Variants in OPCML observed in about 807,000 individuals in gnomAD.
The protein encoded by OPCML is opioid binding protein/cell adhesion molecule like, also known as opioid-binding protein/cell adhesion molecule.
Under a neutral mutation model 37.8 loss-of-function variants are expected in OPCML, and 13 were observed. The ratio of observed to expected loss-of-function variants is 0.34; its 90% CI spans 0.22 to 0.55. The LOEUF is 0.55. Among genes scored for constraint, OPCML ranks in the 20% least tolerant of loss-of-function variants. OPCML has a pLI of 0.91. For missense variants in OPCML, 341 were observed against 435.6 expected, an observed-to-expected ratio of 0.78 and a Z score of 1.93; for synonymous variants, 176 against 168.8, an observed-to-expected ratio of 1.04 and a Z score of -0.33.
At chr11:133,060,178 C>T (rs1036676937) in intron 1 of OPCML, among the ~76,000 whole-genome samples, 11 of 151,206 alleles carry the variant, frequency 7.3e-5, no homozygotes, top group African/African-American at 2.7e-4. Context: ...CTCCCTCTCC[C>T]TCTCCCTCTC....
At chr11:132,462,285 A>G (rs1043159951) in intron 4 of OPCML, among the ~76,000 whole-genome samples, 1 of 152,126 alleles carries the variant, frequency 6.6e-6, no homozygotes, top group African/African-American at 2.4e-5. Flanking sequence ...TTGACTGTGT[A>G]AGAGAAGAAA....
chr11:133,231,098 C>G (rs1415484339), intron 1 of OPCML, among the ~76,000 whole-genome samples: 1 of 152,196 alleles, frequency 6.6e-6, no homozygotes, highest in Non-Finnish European at 1.5e-5. Flanking sequence ...GAATGAGAAG[C>G]AATGCAAGGT....
intron 1 of OPCML, chr11:133,421,385 A>T (rs1275011718): frequency 1.0e-6 from 1 of 985,310 alleles, no homozygotes; most frequent in Non-Finnish European, 1.2e-6. Flanking sequence ...TCACTCGGAG[A>T]CCAGAAGAAG....
At chr11:133,319,487 T>C (rs899436521) in intron 1 of OPCML, among the ~76,000 whole-genome samples, 2 of 152,186 alleles carry the variant, frequency 1.3e-5, no homozygotes, top group Non-Finnish European at 2.9e-5. Context: ...TTGCGCTTAG[T>C]GGCAACGCTT....
chr11:133,483,568 G>T (rs577829468), intron 1 of OPCML, among the ~76,000 whole-genome samples: 1 of 151,594 alleles, frequency 6.6e-6, no homozygotes, highest in Non-Finnish European at 1.5e-5. Context: ...CTAGACAAAG[G>T]AATGGATGAT....
intron 4 of OPCML, among the ~76,000 whole-genome samples, chr11:132,476,002 A>G (rs1287596621): frequency 1.3e-5 from 2 of 152,216 alleles, no homozygotes; most frequent in Non-Finnish European, 2.9e-5. Context: ...TGCTAAGAGT[A>G]TCTACCTCAA....
At chr11:133,207,617 A>G (rs1044222626) in intron 1 of OPCML, among the ~76,000 whole-genome samples, 1 of 152,172 alleles carries the variant, frequency 6.6e-6, no homozygotes, top group African/African-American at 2.4e-5. Flanking sequence ...ATGACTTCTG[A>G]GATTCCTCAA....
rs1308843741 is a variant in OPCML, at chr11:132,706,613, T to C, written c.147-49294A>G. Among the ~76,000 whole-genome samples the C allele has an allele frequency of 5.3e-5, 8 of 152,138 alleles. No individual in the cohort carries two copies. In the South Asian group the frequency reaches 1.2e-3, roughly 24 times the overall value. On this transcript the variant is annotated intron_variant, in intron 2 of 7. Transcript: ENST00000524381. ...CCCACTTAGATGAGTTTACCCAATG[T>C]AGTAAAATTCCATTATGCGAGCCTC...
intron 2 of OPCML, among the ~76,000 whole-genome samples, chr11:132,923,184 T>G (rs1057164910): frequency 6.6e-6 from 1 of 152,200 alleles, no homozygotes; most frequent in Non-Finnish European, 1.5e-5. Context: ...AGAAGAGAAC[T>G]AGTTCATTCC....
chr11:132,740,430 C>T (rs536004082), intron 2 of OPCML, among the ~76,000 whole-genome samples: 7 of 152,170 alleles, frequency 4.6e-5, no homozygotes, highest in Admixed American at 2.0e-4. Context: ...AATAAAACAA[C>T]GTGAAAATGG....
intron 4 of OPCML, among the ~76,000 whole-genome samples, chr11:132,466,929 A>G (rs748213126): frequency 6.6e-6 from 1 of 152,226 alleles, no homozygotes; most frequent in African/African-American, 2.4e-5. Context: ...ATTTGAAAAA[A>G]GAAGGAAAGA....
intron 3 of OPCML, among the ~76,000 whole-genome samples, chr11:132,542,097 G>C (rs1368977218): frequency 6.6e-6 from 1 of 152,122 alleles, no homozygotes; most frequent in Non-Finnish European, 1.5e-5. Flanking sequence ...AGTGTGAGCA[G>C]GGACATTCCT....
intron 1 of OPCML, among the ~76,000 whole-genome samples, chr11:133,026,910 T>C (rs913121040): frequency 1.3e-5 from 2 of 152,234 alleles, no homozygotes; most frequent in African/African-American, 4.8e-5. Context: ...CATAATACTT[T>C]ATGAGATACA....
chr11:132,643,935 C>A (rs188523322), intron 3 of OPCML, among the ~76,000 whole-genome samples: 1 of 152,158 alleles, frequency 6.6e-6, no homozygotes, highest in African/African-American at 2.4e-5. Flanking sequence ...AACTTTTTGT[C>A]CTCAAGCAAC....
intron 2 of OPCML, among the ~76,000 whole-genome samples, chr11:132,891,943 C>T (rs1242410125): frequency 6.9e-6 from 1 of 145,550 alleles, no homozygotes; most frequent in Non-Finnish European, 1.5e-5. Context: ...TGAGGGTTCC[C>T]CTATACCTGG....
chr11:133,253,025 A>G (rs979317043), intron 1 of OPCML, among the ~76,000 whole-genome samples: 6 of 152,076 alleles, frequency 3.9e-5, no homozygotes, highest in Admixed American at 3.9e-4. Context: ...GGGCACCGGT[A>G]ATCCCAGCTA....
rs1948624356 is a variant in OPCML, at chr11:133,532,376, G to A, written c.-52C>T. 2.5e-6 allele frequency: 4 copies of A among 1,588,578 alleles called. No homozygotes were observed. The South Asian group carries it at 4.5e-5, about 18-fold the overall frequency. Reference sequence around the variant, plus strand: ...CGGGCTTGCTACTGCTTCTGCTGCTGCTACCGCTGCTGCCTTCCTCTGTGC... The same window carrying A: ...CGGGCTTGCTACTGCTTCTGCTGCTACTACCGCTGCTGCCTTCCTCTGTGC... On this transcript the variant is annotated 5_prime_UTR_variant, in exon 1 of 8. Transcript: ENST00000524381.
chr11:132,899,071 G>C (rs933907619), intron 2 of OPCML, among the ~76,000 whole-genome samples: 4 of 152,144 alleles, frequency 2.6e-5, no homozygotes, highest in African/African-American at 7.2e-5. Flanking sequence ...AATCCAGGGA[G>C]GACTACTAAT....
Position 132,435,766 on chromosome 11 carries a change from C to T in OPCML, c.916+320G>A, listed in dbSNP as rs1168856465. ...AATCAGAGACTCCAACTACAGAAGG[C>T]ATCTTAAAATTACACAGTTGAATTG... On this transcript the variant is annotated intron_variant, in intron 7 of 7. Transcript: ENST00000524381. 2.0e-5 allele frequency among the ~76,000 whole-genome samples: 3 copies of T among 152,194 alleles called. No individual in the cohort carries two copies. The East Asian group carries it at 5.8e-4, about 29-fold the overall frequency.
Sources: gnomAD v4.1 joint callset for allele counts (sites outside exome capture counted in the v4.1 genomes callset) on GRCh38, gnomAD v4.1.1 for gene constraint, MANE v1.5 for transcripts, NCBI Gene and HGNC (gene_info 2026-07-23, HGNC 2026-07-21) for gene names.